BRINP3: variants seen among roughly 807,000 people sequenced by gnomAD.
BRINP3 encodes BMP/retinoic acid-inducible neural-specific protein 3.
A neutral mutation model predicts 71.0 loss-of-function variants in BRINP3; 19 were observed. The ratio of observed to expected loss-of-function variants is 0.27; its 90% confidence interval spans 0.19 to 0.39. BRINP3 has a LOEUF of 0.39. Among genes scored for constraint, BRINP3 ranks in the 10% least tolerant of loss-of-function variants. The pLI, the probability that BRINP3 is intolerant of heterozygous loss-of-function variation, is 1.00. For missense variants in BRINP3, 959 were observed against 940.8 expected (o/e 1.02, Z -0.25); for synonymous variants, 380 against 337.7 (o/e 1.13, Z -1.37).
chr1:190,379,997 C>CAAAAAA (rs34329313), intron 2 of BRINP3, among the ~76,000 whole-genome samples: 2 of 100,900 alleles, frequency 2.0e-5, no homozygotes, highest in African/African-American at 4.1e-5. Context: ...GACTCCACCT[C>CAAAAAA]AAAAAAAAAA....
At chr1:190,219,299 G>A (rs553707159) in intron 6 of BRINP3, among the ~76,000 whole-genome samples, 2 of 152,128 alleles carry the variant, frequency 1.3e-5, no homozygotes, top group East Asian at 3.9e-4. Context: ...TGATTTGTGA[G>A]CTCTCTGACC....
intron 4 of BRINP3, among the ~76,000 whole-genome samples, chr1:190,240,972 A>G (rs185919439): frequency 1.2e-3 from 182 of 149,068 alleles, no homozygotes; most frequent in Non-Finnish European, 2.2e-3. Flanking sequence ...AGTTTCCATT[A>G]TGTTTTATTA....
At chr1:190,186,491 G>T (rs945614501) in intron 6 of BRINP3, among the ~76,000 whole-genome samples, 1 of 152,032 alleles carries the variant, frequency 6.6e-6, no homozygotes, top group Non-Finnish European at 1.5e-5. Flanking sequence ...GAAAATAAAG[G>T]CCACATCTTT....
At chr1:190,420,778 T>C (rs1488257259) in intron 2 of BRINP3, among the ~76,000 whole-genome samples, 1 of 151,918 alleles carries the variant, frequency 6.6e-6, no homozygotes, top group Non-Finnish European at 1.5e-5. Context: ...TATCATCAGC[T>C]ATCTCATTTA....
At chr1:190,302,261 T>A (rs1664791383) in intron 2 of BRINP3, among the ~76,000 whole-genome samples, 1 of 147,412 alleles carries the variant, frequency 6.8e-6, no homozygotes, top group Non-Finnish European at 1.5e-5. Flanking sequence ...ATATATATAT[T>A]TTATATATAT....
chr1:190,275,108 T>C (rs964869699), intron 3 of BRINP3, among the ~76,000 whole-genome samples: 3 of 151,578 alleles, frequency 2.0e-5, no homozygotes, highest in Non-Finnish European at 1.5e-5. Context: ...ACCATGATAC[T>C]CTCGATAGTA....
chr1:190,391,505 C>A (rs1283643879), intron 2 of BRINP3, among the ~76,000 whole-genome samples: 1 of 151,664 alleles, frequency 6.6e-6, no homozygotes, highest in Non-Finnish European at 1.5e-5. Flanking sequence ...GATGTCCAGT[C>A]TTAAATTAAC....
chr1:190,226,593 C>G (rs566326901), intron 5 of BRINP3, among the ~76,000 whole-genome samples: 6 of 152,022 alleles, frequency 3.9e-5, no homozygotes, highest in Non-Finnish European at 7.4e-5. Context: ...TAATTTATCA[C>G]AATATTTGGT....
At chr1:190,441,609 C>T (rs888916296) in intron 2 of BRINP3, among the ~76,000 whole-genome samples, 3 of 151,912 alleles carry the variant, frequency 2.0e-5, no homozygotes, top group African/African-American at 7.2e-5. Flanking sequence ...GGAGCTATTC[C>T]TTTAAAATGT....
At chr1:190,229,407 C>T (rs1056465411) in intron 5 of BRINP3, among the ~76,000 whole-genome samples, 7 of 151,962 alleles carry the variant, frequency 4.6e-5, no homozygotes, top group South Asian at 4.1e-4. Flanking sequence ...GAGGCATCCT[C>T]GGCCATGTGG....
At chr1:190,323,971 A>G (rs553971573) in intron 2 of BRINP3, among the ~76,000 whole-genome samples, 56 of 152,164 alleles carry the variant, frequency 3.7e-4, no homozygotes, top group African/African-American at 1.3e-3. Context: ...TTCTGGCATT[A>G]CAGAGAGGAA....
At chr1:190,290,905 G>A (rs1162118752) in intron 2 of BRINP3, among the ~76,000 whole-genome samples, 1 of 151,870 alleles carries the variant, frequency 6.6e-6, no homozygotes, top group Non-Finnish European at 1.5e-5. Context: ...GTGTGTGTGT[G>A]TGCACGTGTG....
At chr1:190,345,990 T>A (rs1049949344) in intron 2 of BRINP3, among the ~76,000 whole-genome samples, 2 of 151,914 alleles carry the variant, frequency 1.3e-5, no homozygotes, top group African/African-American at 4.8e-5. Context: ...AGTCACAACC[T>A]GCATAAGTGA....
chr1:190,379,403 G>A (rs1392797483), intron 2 of BRINP3, among the ~76,000 whole-genome samples: 1 of 151,900 alleles, frequency 6.6e-6, no homozygotes, highest in Non-Finnish European at 1.5e-5. Context: ...TGATCACAAA[G>A]TAATTACAGC....
chr1:190,448,566 C>G (rs1383944884), intron 2 of BRINP3, among the ~76,000 whole-genome samples: 1 of 150,232 alleles, frequency 6.7e-6, no homozygotes, highest in Non-Finnish European at 1.5e-5. Context: ...TTAATTTCTC[C>G]TGGAAGATCT....
At chr1:190,377,626 A>C (rs917750740) in intron 2 of BRINP3, among the ~76,000 whole-genome samples, 1 of 149,862 alleles carries the variant, frequency 6.7e-6, no homozygotes, top group Non-Finnish European at 1.5e-5. Flanking sequence ...GAAAGAACAC[A>C]CACACACACA....
In BRINP3 at chr1:190,097,721, G is replaced by C; in HGVS notation, c.*297C>G. ...GTATCTTTTTATGTTCCCTCTAGAG[G>C]ATGTAATGCACAAAAGCATTGCCAC... is the stretch of plus-strand genomic sequence containing the variant. On this transcript the variant is annotated 3_prime_UTR_variant, in exon 8 of 8. Transcript: ENST00000367462. 3.8e-6 allele frequency: 1 copy of C among 264,236 alleles called. No homozygotes were observed. The highest frequency in any genetic ancestry group is 2.2e-5 in the African/African-American group (1 of 45,326). The allele number at this position is 264,236 out of a possible 1,614,324, so 16.4% of individuals were successfully genotyped here. A position where few individuals can be genotyped will look rare whatever the true frequency, so the allele number is the denominator to read the frequency against.
At chr1:190,399,571 C>A (rs927195779) in intron 2 of BRINP3, among the ~76,000 whole-genome samples, 1 of 151,960 alleles carries the variant, frequency 6.6e-6, no homozygotes, top group Admixed American at 6.6e-5. Context: ...CTGTTCATAG[C>A]CAGTCTCTTG....
At chr1:190,463,508 T>C (rs1322508264) in intron 1 of BRINP3, among the ~76,000 whole-genome samples, 2 of 151,830 alleles carry the variant, frequency 1.3e-5, no homozygotes, top group Non-Finnish European at 3.0e-5. Context: ...TTAAAGACAT[T>C]GCTCTTTTAG....
Sources: allele counts gnomAD v4.1 joint callset (sites outside exome capture counted in the v4.1 genomes callset), GRCh38; gene constraint gnomAD v4.1.1; transcripts MANE v1.5; gene names NCBI Gene and HGNC (gene_info 2026-07-23, HGNC 2026-07-21).